LHPP: variants seen among roughly 807,000 people sequenced by gnomAD.
The protein encoded by LHPP is hLHPP.
A neutral mutation model predicts 30.3 loss-of-function variants in LHPP; 24 were observed. The ratio of observed to expected loss-of-function variants is 0.79; its 90% CI spans 0.57 to 1.11. The LOEUF (loss-of-function observed/expected upper bound fraction) is 1.11, where lower values mean the gene tolerates loss of function less well. Among genes scored for constraint, LHPP ranks in the 50% most tolerant of loss-of-function variants. The probability of loss-of-function intolerance (pLI) is 0.00; values close to 1 mark genes in which losing one functional copy is unlikely to be tolerated. For synonymous variants in LHPP, 150 were observed against 157.1 expected, an observed-to-expected ratio of 0.95 and a Z score of 0.34; for missense variants, 356 against 367.2, an observed-to-expected ratio of 0.97 and a Z score of 0.25.
At chr10:124,606,879 C>T (rs1436696652) in intron 6 of LHPP, among the ~76,000 whole-genome samples, 2 of 152,218 alleles carry the variant, frequency 1.3e-5, no homozygotes, top group Non-Finnish European at 2.9e-5. Context: ...CTGTTACAGG[C>T]CCCTGCCCCT....
At position 124,600,252 on chromosome 10, in the gene LHPP, G is replaced by A. The variant is rs938403069; in HGVS notation, c.717-13012G>A. ...CAGGATCCTGGGTTGCTGGTTTGGC[G>A]CAGCCCCGGCTTCTGTGAGCTTTTG... On this transcript the variant is annotated intron_variant, in intron 6 of 6. Coordinates refer to ENST00000368842, the MANE Select transcript of LHPP (RefSeq NM_022126.4). 2.9e-4 allele frequency among the ~76,000 whole-genome samples: 44 copies of A among 152,232 alleles called. 1 individual carries two copies. Among genetic ancestry groups the A allele is most frequent in the Admixed American group, 1.8e-3 (27 of 15,292 alleles).
rs138155506 is a variant in LHPP at position 124,606,956 on chromosome 10, C to T, written c.717-6308C>T. Among the ~76,000 whole-genome samples, 343 of 152,310 alleles carry T rather than the reference C, an allele frequency of 2.3e-3. 1 individual carries two copies. Among genetic ancestry groups the T allele is most frequent in the African/African-American group, 7.7e-3 (322 of 41,566 alleles). On this transcript the variant is annotated intron_variant, in intron 6 of 6. Transcript: ENST00000368842. ...TCTCTACTCGCCTGCCCTCTCTCTG[C>T]CCTCTTTTCTCTGCTTCATCCTCTT...
chr10:124,544,493 G>T (rs1372521678), intron 6 of LHPP, among the ~76,000 whole-genome samples: 2 of 152,212 alleles, frequency 1.3e-5, no homozygotes, highest in East Asian at 3.8e-4. Context: ...TGAGATCCTG[G>T]GTGGATCACA....
rs373817264 is a variant in LHPP, at chr10:124,510,021, G to T, written c.625-7159G>T. ...GGGAGGATTGACTGCTGTAGCACCC[G>T]ACCCAGGACACCTGCCTCTGGGACT... On this transcript the variant is annotated intron_variant, in intron 5 of 6. Transcript: ENST00000368842. The surrounding 1 kb of genome is among the most constrained non-coding windows in gnomAD (Gnocchi z 4.0). Among the ~76,000 whole-genome samples, 1 of 152,080 alleles carries T rather than the reference G, an allele frequency of 6.6e-6. No individual in the cohort carries two copies. The highest frequency in any genetic ancestry group is 2.4e-5 in the African/African-American group (1 of 41,420).
chr10:124,608,371 G>T (rs971669818), intron 6 of LHPP, among the ~76,000 whole-genome samples: 4 of 152,120 alleles, frequency 2.6e-5, no homozygotes, highest in African/African-American at 7.2e-5. Flanking sequence ...GCATTCCCTG[G>T]ACAGGATTGC....
intron 6 of LHPP, among the ~76,000 whole-genome samples, chr10:124,553,449 C>CTTTTTTT (rs35840555): frequency 3.2e-5 from 2 of 61,616 alleles, no homozygotes; most frequent in South Asian, 8.7e-4. Flanking sequence ...TACAGCCATT[C>CTTTTTTT]TTTTTTTTTT....
intron 6 of LHPP, among the ~76,000 whole-genome samples, chr10:124,573,470 C>T: frequency 6.6e-6 from 1 of 152,182 alleles, no homozygotes; most frequent in Non-Finnish European, 1.5e-5. Context: ...CGCCCCCACA[C>T]CCAGCTAATT....
At chr10:124,498,203 C>G (rs1329950916) in intron 5 of LHPP, 75 bp downstream of exon 5, 13 of 1,325,206 alleles carry the variant, frequency 9.8e-6, no homozygotes, top group Non-Finnish European at 1.4e-5. Context: ...GAATGGATTA[C>G]AGGACTCAGG....
chr10:124,548,459 C>G (rs910873830), intron 6 of LHPP, among the ~76,000 whole-genome samples: 3 of 152,150 alleles, frequency 2.0e-5, no homozygotes, highest in African/African-American at 7.2e-5. Context: ...GTCTGCGGTG[C>G]ATAATCAATC....
intron 6 of LHPP, among the ~76,000 whole-genome samples, chr10:124,565,906 A>G (rs558157372): frequency 5.3e-5 from 8 of 152,338 alleles, no homozygotes; most frequent in Non-Finnish European, 1.2e-4. Context: ...CTAAGGAGAA[A>G]TCCAGGGTTG....
chr10:124,472,665 TCTC>T (rs1198490883), intron 1 of LHPP, among the ~76,000 whole-genome samples: 3 of 152,056 alleles, frequency 2.0e-5, no homozygotes, highest in Non-Finnish European at 2.9e-5. Flanking sequence ...TTCAAGCGAT[TCTC>T]CTCCTCAGCC....
At chr10:124,498,876 G>A in intron 5 of LHPP, 2 of 219,732 alleles carry the variant, frequency 9.1e-6, no homozygotes, top group South Asian at 8.8e-5. Flanking sequence ...CACCACGCCT[G>A]GCAAACTTTT....
chr10:124,526,726 AC>A (rs775454796), intron 6 of LHPP, among the ~76,000 whole-genome samples: 30 of 152,098 alleles, frequency 2.0e-4, no homozygotes, highest in Non-Finnish European at 4.3e-4. Flanking sequence ...ATTAGACCCC[AC>A]CCACCCACCT....
At chr10:124,490,501 A>G (rs1476385677) in intron 3 of LHPP, 3 of 354,902 alleles carry the variant, frequency 8.5e-6, no homozygotes, top group Admixed American at 3.1e-5. Context: ...GCAGGTGGAC[A>G]TTCTTCTTGG....
rs1238888539 is a variant in LHPP, at chr10:124,497,229, CCCTTCCCAT to C, written c.531+218_531+226del. Reference sequence around the variant, plus strand: ...GCTGTCCTCCTCCCTCCCCATCTCTCCCTTCCCATCCTTCCCATCCTCCCCATCCTCCCC... The same window carrying C: ...GCTGTCCTCCTCCCTCCCCATCTCTCCCTTCCCATCCTCCCCATCCTCCCC... On this transcript the variant is annotated intron_variant, in intron 4 of 6. Transcript: ENST00000368842. Among the ~76,000 whole-genome samples the C allele has an allele frequency of 2.6e-3, 378 of 147,396 alleles. 3 individuals are homozygous for C. Among genetic ancestry groups the C allele is most frequent in the African/African-American group, 8.0e-3 (314 of 39,212 alleles).
At chr10:124,516,274 T>C (rs1954451713) in intron 5 of LHPP, among the ~76,000 whole-genome samples, 1 of 152,232 alleles carries the variant, frequency 6.6e-6, no homozygotes, top group South Asian at 2.1e-4. Context: ...TCCTCTGTGC[T>C]TGCATGGAGA....
At chr10:124,498,507 C>T (rs560343169) in intron 5 of LHPP, 158 of 1,443,350 alleles carry the variant, frequency 1.1e-4, no homozygotes, top group Admixed American at 7.7e-4. Flanking sequence ...ACTCATTTTG[C>T]GACCTTTATA....
chr10:124,497,513 G>A (rs762481860), intron 4 of LHPP, among the ~76,000 whole-genome samples: 3 of 150,988 alleles, frequency 2.0e-5, no homozygotes, highest in Non-Finnish European at 3.0e-5. Context: ...CCAGGCCTCC[G>A]GGTGGGGCTC....
chr10:124,606,561 G>T lies in LHPP; in HGVS notation c.717-6703G>T, dbSNP rs140960887. Among the ~76,000 whole-genome samples the T allele has an allele frequency of 2.9e-4, 44 of 152,364 alleles. No homozygotes were observed. The East Asian group carries it at 8.3e-3, about 29-fold the overall frequency. On this transcript the variant is annotated intron_variant, in intron 6 of 6. Coordinates refer to ENST00000368842, the MANE Select transcript of LHPP (RefSeq NM_022126.4). ...AGGGGAAACGCCAACTTCGTGTGCA[G>T]TCTTGCCTCTTTTGTTTCGTTTCAG...
Sources: allele counts gnomAD v4.1 joint callset (sites outside exome capture counted in the v4.1 genomes callset), GRCh38; gene constraint gnomAD v4.1.1; non-coding constraint Gnocchi (gnomAD v3.1); transcripts MANE v1.5; gene names NCBI Gene and HGNC (gene_info 2026-07-23, HGNC 2026-07-21).